Variants in CDC73 observed in about 807,000 individuals in gnomAD.
CDC73 encodes cell division cycle 73, also known as parafibromin.
Under a neutral mutation model 83.7 loss-of-function variants are expected in CDC73, and 21 were observed. The ratio of observed to expected loss-of-function variants is 0.25; its 90% confidence interval spans 0.18 to 0.36. The LOEUF is 0.36. Among genes scored for constraint, CDC73 ranks in the 10% least tolerant of loss-of-function variants. The pLI, the probability that CDC73 is intolerant of heterozygous loss-of-function variation, is 1.00. For synonymous variants in CDC73, 224 were observed against 212.9 expected (o/e 1.05, Z -0.45); for missense variants, 342 against 653.3 (o/e 0.52, Z 5.19).
intron 10 of CDC73, among the ~76,000 whole-genome samples, chr1:193,187,783 G>C (rs539386665): frequency 6.6e-6 from 1 of 152,176 alleles, no homozygotes; most frequent in South Asian, 2.1e-4. Flanking sequence ...AATGTGCTTT[G>C]TAGTTTTAAG....
rs1382583470 is a variant in CDC73 at position 193,223,183 on chromosome 1, A to C, written c.1155-9810A>C. Among the ~76,000 whole-genome samples, 3 of 151,966 alleles carry C rather than the reference A, an allele frequency of 2.0e-5. No individual in the cohort carries two copies. In the East Asian group the frequency reaches 5.8e-4, roughly 29 times the overall value. ...GTCATCTTCCTTTGAATGTTGTTTC[A>C]TACATGATAACTTGTTTTCTTGTGG... is the stretch of plus-strand genomic sequence containing the variant. On this transcript the variant is annotated intron_variant, in intron 13 of 16. Transcript: ENST00000367435.
chr1:193,168,847 G>A (rs1484629459), intron 10 of CDC73, among the ~76,000 whole-genome samples: 1 of 152,192 alleles, frequency 6.6e-6, no homozygotes, highest in Non-Finnish European at 1.5e-5. Flanking sequence ...TTTAAAGGCA[G>A]TCATCGACAA....
At chr1:193,197,841 G>T (rs993705780) in intron 10 of CDC73, among the ~76,000 whole-genome samples, 1 of 150,118 alleles carries the variant, frequency 6.7e-6, no homozygotes, top group Non-Finnish European at 1.5e-5. Context: ...CACAAGAATC[G>T]CTTGAACTGG....
At chr1:193,145,857 GCAAGTGCTAAA>G (rs1216659273) in intron 7 of CDC73, among the ~76,000 whole-genome samples, 5 of 152,070 alleles carry the variant, frequency 3.3e-5, no homozygotes, top group Non-Finnish European at 7.4e-5. Context: ...TACAAACTAG[GCAAGTGCTAAA>G]CACTGACCAG....
chr1:193,230,456 T>G (rs781650745), intron 13 of CDC73, among the ~76,000 whole-genome samples: 5 of 101,064 alleles, frequency 4.9e-5, no homozygotes, highest in Non-Finnish European at 9.7e-5. Context: ...CCTAATCCCG[T>G]ATTTTTTTTT....
At chr1:193,137,022 C>A (rs1675813385) in intron 5 of CDC73, among the ~76,000 whole-genome samples, 1 of 152,146 alleles carries the variant, frequency 6.6e-6, no homozygotes, top group Non-Finnish European at 1.5e-5. Flanking sequence ...AAATGTGTTA[C>A]ATAAACAGCT....
chr1:193,128,960 GGGATTATA>G (rs1441298037), intron 2 of CDC73, among the ~76,000 whole-genome samples: 4 of 151,014 alleles, frequency 2.6e-5, no homozygotes, highest in Non-Finnish European at 5.9e-5. Context: ...CTGAGTAGCT[GGGATTATA>G]GGCTTCTGCC....
Position 193,253,304 on chromosome 1 carries a change from A to AG in CDC73, c.*2594dup. ...AGTTCTCCAGGTAATTTGAATGTGC[A>AG]GGAAGGATTCAGAATCACTGGTTTA... On this transcript the variant is annotated 3_prime_UTR_variant, in exon 17 of 17. Transcript: ENST00000367435. 4.3e-6 allele frequency: 1 copy of AG among 232,482 alleles called. No homozygotes were observed. The allele number at this position is 232,482 out of a possible 1,614,324, so 14.4% of individuals were successfully genotyped here.
chr1:193,254,460 CTTAAG>C lies in CDC73; in HGVS notation c.*3754_*3758del, dbSNP rs767823715. On this transcript the variant is annotated 3_prime_UTR_variant, in exon 17 of 17. Transcript: ENST00000367435. ...AAAGTGGAGAAATGACTAAAGTTGA[CTTAAG>C]TTAAGAATTGGAGTGGGAATTTTGA... is the stretch of plus-strand genomic sequence containing the variant. Among the ~76,000 whole-genome samples, 46 of 152,120 alleles carry C rather than the reference CTTAAG, an allele frequency of 3.0e-4. 1 individual carries two copies. The highest frequency in any genetic ancestry group is 1.2e-3 in the South Asian group (6 of 4,820).
At chr1:193,224,143 T>C (rs2102049604) in intron 13 of CDC73, among the ~76,000 whole-genome samples, 1 of 152,136 alleles carries the variant, frequency 6.6e-6, no homozygotes, top group South Asian at 2.1e-4. Flanking sequence ...TTCTATCTCC[T>C]CCACTCCCCC....
intron 10 of CDC73, among the ~76,000 whole-genome samples, chr1:193,197,306 G>T (rs953572360): frequency 6.6e-6 from 1 of 152,014 alleles, no homozygotes; most frequent in African/African-American, 2.4e-5. Context: ...TTAGGTCATG[G>T]TATATAATAC....
intron 6 of CDC73, 63 bp downstream of exon 6, chr1:193,138,236 GAAT>G: frequency 9.0e-7 from 1 of 1,108,564 alleles, no homozygotes; most frequent in South Asian, 1.2e-5. Context: ...TAAGGAAAAG[GAAT>G]ATTAAAATGC....
intron 11 of CDC73, among the ~76,000 whole-genome samples, chr1:193,206,068 T>C (rs1268169686): frequency 1.3e-5 from 2 of 152,186 alleles, no homozygotes; most frequent in East Asian, 3.8e-4. Context: ...GAAGTTAGTA[T>C]GTAAGGAAAG....
chr1:193,194,831 A>G (rs1192598319), intron 10 of CDC73, among the ~76,000 whole-genome samples: 1 of 152,078 alleles, frequency 6.6e-6, no homozygotes, highest in East Asian at 1.9e-4. Context: ...TTTGATTCCA[A>G]TTTGAATTGC....
At chr1:193,226,400 T>C (rs1677567832) in intron 13 of CDC73, among the ~76,000 whole-genome samples, 2 of 152,286 alleles carry the variant, frequency 1.3e-5, no homozygotes, top group Admixed American at 1.3e-4. Flanking sequence ...TTGTTCCAGT[T>C]TTCAGACAGA....
At position 193,250,781 on chromosome 1, in the gene CDC73, G is replaced by T; in HGVS notation, c.*69G>T. 1 of 1,315,020 alleles carries T rather than the reference G, an allele frequency of 7.6e-7. No individual in the cohort carries two copies. Among genetic ancestry groups the T allele is most frequent in the Non-Finnish European group, 1.1e-6 (1 of 909,956 alleles). 81.5% of individuals were successfully genotyped at this position (1,315,020 alleles called of 1,614,324 possible). On this transcript the variant is annotated 3_prime_UTR_variant, in exon 17 of 17. Transcript: ENST00000367435. ...ATGAATTTATCAAGAACTTAAAAAT[G>T]AAGAAGGTCACAGATTGATCTTTTA...
Position 193,130,188 on chromosome 1 carries a change from T to C in CDC73, c.252T>C (p.Pro84=), listed in dbSNP as rs1572146630. The C allele has an allele frequency of 1.3e-6, 2 of 1,591,972 alleles. No individual in the cohort carries two copies. Among genetic ancestry groups the C allele is most frequent in the Non-Finnish European group, 8.6e-7 (1 of 1,160,188 alleles). ...YVRRAATENI[P]VVRRPDRKDL... is the part of the protein sequence containing the mutation. ...TTTGGTTTTAGACTGAAAATATTCC[T>C]GTGGTTAGAAGACCTGATCGAAAAG... Residue 84 remains proline (P), a synonymous_variant, in exon 3 of 17, where the codon CCT becomes CCC. Coordinates refer to ENST00000367435, the MANE Select transcript of CDC73 (RefSeq NM_024529.5).
chr1:193,165,667 A>G (rs1269779316), intron 10 of CDC73, among the ~76,000 whole-genome samples: 1 of 152,224 alleles, frequency 6.6e-6, no homozygotes, highest in Non-Finnish European at 1.5e-5. Flanking sequence ...TACCAGAACC[A>G]TTTTCAGTAA....
chr1:193,200,111 C>T (rs575000218), intron 10 of CDC73, among the ~76,000 whole-genome samples: 3 of 151,270 alleles, frequency 2.0e-5, no homozygotes, highest in South Asian at 2.1e-4. Context: ...CATGGTGGTG[C>T]GTGCCTGGAG....
Sources: allele counts gnomAD v4.1 joint callset (sites outside exome capture counted in the v4.1 genomes callset), GRCh38; gene constraint gnomAD v4.1.1; transcripts MANE v1.5; gene names NCBI Gene and HGNC (gene_info 2026-07-23, HGNC 2026-07-21).